ZNF682: variants seen among roughly 807,000 people sequenced by gnomAD.
ZNF682 encodes the protein zinc finger protein 682.
Under a neutral mutation model 36.5 loss-of-function variants are expected in ZNF682, and 29 were observed. The observed-to-expected ratio is 0.80, with a 90% confidence interval of 0.59 to 1.08. The LOEUF is 1.08. ZNF682 is among the 50% of genes least tolerant of loss of function. The pLI is 0.00. For synonymous variants in ZNF682, 180 were observed against 197.0 expected, an observed-to-expected ratio of 0.91 and a Z score of 0.72; for missense variants, 561 against 579.7, an observed-to-expected ratio of 0.97 and a Z score of 0.33.
At position 20,006,580 on chromosome 19, in the gene ZNF682, T is replaced by C. The variant is rs1177085788; in HGVS notation, c.922A>G (p.Thr308Ala). The C allele has an allele frequency of 1.2e-6, 2 of 1,614,212 alleles. No homozygotes were observed. The highest frequency in any genetic ancestry group is 1.7e-6 in the Non-Finnish European group (2 of 1,180,022). ...SHLTKHKTIHTGKKPYKCKEC... is the reference protein window; with the variant it reads ...SHLTKHKTIHAGKKPYKCKEC... The stretch of plus-strand genomic sequence containing the variant: ...TTACATTTGTAGGGTTTCTTTCCAG[T>C]GTGAATTGTCTTATGTTTGGTGAGA... Residue 308 changes from threonine to alanine, a missense_variant, in exon 4 of 4, where the codon ACT becomes GCT. Transcript: ENST00000397165.
intron 3 of ZNF682, among the ~76,000 whole-genome samples, chr19:20,022,692 T>C (rs1432382514): frequency 2.0e-5 from 3 of 152,138 alleles, no homozygotes; most frequent in South Asian, 2.1e-4. Context: ...TAGTTTAACA[T>C]AGAGTTCCTC....
intron 1 of ZNF682, among the ~76,000 whole-genome samples, chr19:20,037,852 A>G (rs1599621233): frequency 6.6e-6 from 1 of 152,132 alleles, no homozygotes; most frequent in Admixed American, 6.5e-5. Flanking sequence ...GGGGAAGAAA[A>G]TCTTAATGTC....
At chr19:20,031,802 C>T (rs940788278) in intron 1 of ZNF682, among the ~76,000 whole-genome samples, 2 of 151,972 alleles carry the variant, frequency 1.3e-5, no homozygotes, top group African/African-American at 2.4e-5. Context: ...ATTAGCCAGG[C>T]GAGGTGGCGG....
chr19:20,015,242 TACA>T (rs2088325171), intron 3 of ZNF682: 2 of 985,352 alleles, frequency 2.0e-6, no homozygotes, highest in East Asian at 1.1e-4. Context: ...ATGTTGAATT[TACA>T]ACAATTCTCA....
At chr19:20,036,261 AGAGATACCCT>A (rs540976680) in intron 1 of ZNF682, among the ~76,000 whole-genome samples, 294 of 152,254 alleles carry the variant, frequency 1.9e-3, no homozygotes, top group Non-Finnish European at 3.1e-3. Context: ...CAGATACTGA[AGAGATACCCT>A]TCTGTATCTG....
Position 20,006,204 on chromosome 19 carries a change from G to T in ZNF682, c.1298C>A (p.Ala433Asp). 3.7e-6 allele frequency: 6 copies of T among 1,613,652 alleles called. No homozygotes were observed. In the East Asian group the frequency reaches 8.9e-5, roughly 24 times the overall value. ...KPYNCEECGK[A>D]FNRCSHLTRH... ...AGTAAGGTGTGAGCACCGATTAAAG[G>T]CTTTTCCACATTCTTCACAGTTGTA... is the stretch of plus-strand genomic sequence containing the variant. Residue 433 changes from alanine to aspartate, a missense_variant, in exon 4 of 4, where the codon GCC becomes GAC. By Grantham distance (126) the Ala-to-Asp change is moderately radical. Transcript: ENST00000397165.
At chr19:20,027,785 C>CA (rs58406735) in intron 1 of ZNF682, among the ~76,000 whole-genome samples, 45 of 142,742 alleles carry the variant, frequency 3.2e-4, no homozygotes, top group East Asian at 1.1e-3. Flanking sequence ...AAAACAAAAA[C>CA]AAAAAAAAAA....
chr19:20,020,444 C>A (rs975746606), intron 3 of ZNF682, among the ~76,000 whole-genome samples: 1 of 152,150 alleles, frequency 6.6e-6, no homozygotes, highest in Non-Finnish European at 1.5e-5. Flanking sequence ...TTGCAATGAA[C>A]TGAGATTGTG....
intron 1 of ZNF682, among the ~76,000 whole-genome samples, chr19:20,031,476 G>A (rs552044623): frequency 6.6e-6 from 1 of 152,168 alleles, no homozygotes; most frequent in Non-Finnish European, 1.5e-5. Context: ...GTTTCCTATG[G>A]GCTTTCTGTA....
chr19:20,029,228 G>A (rs1306158327), intron 1 of ZNF682, among the ~76,000 whole-genome samples: 1 of 151,010 alleles, frequency 6.6e-6, no homozygotes, highest in Non-Finnish European at 1.5e-5. Flanking sequence ...ATCTGCCTGC[G>A]CCCCGGCCTC....
chr19:20,006,908 C>T lies in ZNF682; in HGVS notation c.594G>A (p.Glu198=). Residue 198 remains glutamate, a synonymous_variant, in exon 4 of 4, where the codon GAG becomes GAA. Coordinates refer to ENST00000397165, the MANE Select transcript of ZNF682 (RefSeq NM_033196.3). The part of the protein sequence containing the change: ...LSYHKIIHTE[E]KLCICEECGK... Reference sequence around the variant, plus strand: ...CACATTCCTCACATATGCAGAGTTTCTCTTCAGTGTGAATTATCTTATGAT... The same window carrying T: ...CACATTCCTCACATATGCAGAGTTTTTCTTCAGTGTGAATTATCTTATGAT... 27 of 1,613,994 alleles carry T rather than the reference C, an allele frequency of 1.7e-5. No homozygotes were observed. Among genetic ancestry groups the T allele is most frequent in the Non-Finnish European group, 2.2e-5 (26 of 1,179,908 alleles).
At chr19:20,008,079 G>A (rs2088244972) in intron 3 of ZNF682, 1 of 152,232 alleles carries the variant, frequency 6.6e-6, no homozygotes, top group Admixed American at 6.5e-5. Context: ...CAAATCCATG[G>A]GCCCAGTGCC....
chr19:20,024,169 A>C lies in ZNF682; in HGVS notation c.130+81T>G, dbSNP rs2088411175. On this transcript the variant is annotated intron_variant, in intron 2 of 3. Transcript: ENST00000397165. Reference sequence around the variant, plus strand: ...CTAAAACTCATTTATACAAAGCAGAAATCCCCACCAAACATTCTACAGAGG... The same window carrying C: ...CTAAAACTCATTTATACAAAGCAGACATCCCCACCAAACATTCTACAGAGG... 3.2e-6 allele frequency: 5 copies of C among 1,541,960 alleles called. No individual in the cohort carries two copies. In the East Asian group the frequency reaches 1.1e-4, roughly 35 times the overall value.
At position 20,006,186 on chromosome 19, in the gene ZNF682, T is replaced by C; in HGVS notation, c.1316A>G (p.His439Arg). The C allele has an allele frequency of 6.2e-7, 1 of 1,613,412 alleles. No individual in the cohort carries two copies. Among genetic ancestry groups the C allele is most frequent in the Non-Finnish European group, 8.5e-7 (1 of 1,179,534 alleles). Residue 439 changes from histidine (H) to arginine (R), a missense_variant, in exon 4 of 4, where the codon CAC (histidine) becomes CGC (arginine). Coordinates refer to ENST00000397165, the MANE Select transcript of ZNF682 (RefSeq NM_033196.3). ...ATGAATTTTCTTATGTCTAGTAAGGTGTGAGCACCGATTAAAGGCTTTTCC... is the reference window on the plus strand; with the variant it reads ...ATGAATTTTCTTATGTCTAGTAAGGCGTGAGCACCGATTAAAGGCTTTTCC... ...ECGKAFNRCS[H>R]LTRHKKIHTA...
intron 3 of ZNF682, among the ~76,000 whole-genome samples, chr19:20,011,047 G>A (rs1027788829): frequency 5.9e-5 from 9 of 151,882 alleles, no homozygotes; most frequent in Middle Eastern, 3.4e-3. Context: ...TTAACCTTCT[G>A]CTGACTTCGA....
chr19:20,022,169 A>C (rs1178276254), intron 3 of ZNF682, among the ~76,000 whole-genome samples: 14 of 138,684 alleles, frequency 1.0e-4, no homozygotes, highest in Non-Finnish European at 1.6e-4. Context: ...ACTCCGTCGC[A>C]AAAAAAAAAA....
chr19:20,036,888 G>A (rs531861575), intron 1 of ZNF682, among the ~76,000 whole-genome samples: 189 of 151,652 alleles, frequency 1.2e-3, no homozygotes, highest in Admixed American at 4.1e-3. Context: ...GGGAGGCTGA[G>A]GTAGCAAGAC....
chr19:20,016,981 C>T (rs2122342815), intron 3 of ZNF682, among the ~76,000 whole-genome samples: 1 of 152,096 alleles, frequency 6.6e-6, no homozygotes, highest in South Asian at 2.1e-4. Context: ...TTATATTCAA[C>T]TGAAGTAAAG....
At chr19:20,038,058 T>C (rs978996445) in intron 1 of ZNF682, among the ~76,000 whole-genome samples, 1 of 152,222 alleles carries the variant, frequency 6.6e-6, no homozygotes, top group Non-Finnish European at 1.5e-5. Context: ...CAGACAGTTC[T>C]GAAACTCAAA....
Sources: allele counts gnomAD v4.1 joint callset (sites outside exome capture counted in the v4.1 genomes callset), GRCh38; gene constraint gnomAD v4.1.1; transcripts MANE v1.5; gene names NCBI Gene and HGNC (gene_info 2026-07-23, HGNC 2026-07-21).